Variants in CYP7B1 observed in about 807,000 individuals in gnomAD.
The protein encoded by CYP7B1 is cytochrome P450 7B1.
Under a neutral mutation model 42.7 loss-of-function variants are expected in CYP7B1, and 29 were observed. That is an observed-to-expected ratio of 0.68 (90% CI 0.51 to 0.93). CYP7B1 has a LOEUF of 0.93. Among genes scored for constraint, CYP7B1 ranks in the 40% least tolerant of loss-of-function variants. The pLI is 0.00. For missense variants in CYP7B1, 655 were observed against 600.5 expected (o/e 1.09, Z -0.95); for synonymous variants, 235 against 218.2 (o/e 1.08, Z -0.68).
chr8:64,714,391 T>C (rs1221302200), intron 1 of CYP7B1, among the ~76,000 whole-genome samples: 1 of 152,232 alleles, frequency 6.6e-6, no homozygotes, highest in Non-Finnish European at 1.5e-5. Flanking sequence ...TTCAAACCAT[T>C]GTGACCCGCC....
intron 1 of CYP7B1, among the ~76,000 whole-genome samples, chr8:64,758,283 A>G (rs921190511): frequency 6.6e-6 from 1 of 152,180 alleles, no homozygotes; most frequent in African/African-American, 2.4e-5. Flanking sequence ...GTTCTTTCCC[A>G]GAAAGCCCAG....
At chr8:64,615,309 A>G in intron 3 of CYP7B1, 77 bp from the exon 4 acceptor site, 1 of 1,422,724 alleles carries the variant, frequency 7.0e-7, no homozygotes, top group Admixed American at 2.0e-5. Context: ...TAATTAAAAG[A>G]TGTTAGGACA....
intron 1 of CYP7B1, among the ~76,000 whole-genome samples, chr8:64,737,995 T>C (rs762272052): frequency 1.3e-5 from 2 of 152,178 alleles, no homozygotes; most frequent in Non-Finnish European, 2.9e-5. Context: ...TGCTTTCCTG[T>C]CTGTCTGTGC....
At chr8:64,730,029 T>A (rs904713678) in intron 1 of CYP7B1, among the ~76,000 whole-genome samples, 5 of 152,114 alleles carry the variant, frequency 3.3e-5, no homozygotes, top group African/African-American at 1.2e-4. Context: ...TACAGTTTTA[T>A]CACTTTTTGT....
At chr8:64,689,995 C>T (rs1220489486) in intron 1 of CYP7B1, among the ~76,000 whole-genome samples, 1 of 152,160 alleles carries the variant, frequency 6.6e-6, no homozygotes, top group East Asian at 1.9e-4. Flanking sequence ...ATGTAATACT[C>T]TTTTCCTAAT....
intron 1 of CYP7B1, among the ~76,000 whole-genome samples, chr8:64,646,287 C>T (rs557787813): frequency 4.5e-4 from 69 of 152,032 alleles, no homozygotes; most frequent in African/African-American, 1.6e-3. Flanking sequence ...AGAAAATTTT[C>T]GCAACCTACT....
chr8:64,597,057 T>C (rs949133311), intron 5 of CYP7B1, 128 bp from the exon 6 acceptor site: 1 of 761,142 alleles, frequency 1.3e-6, no homozygotes, highest in Non-Finnish European at 2.0e-6. Context: ...CCAGAAAAAC[T>C]TGGCTGAGTG....
chr8:64,736,133 T>C (rs1425390593), intron 1 of CYP7B1, among the ~76,000 whole-genome samples: 1 of 152,164 alleles, frequency 6.6e-6, no homozygotes, highest in East Asian at 1.9e-4. Flanking sequence ...ACATCCCTAT[T>C]ATGGAAATAA....
At chr8:64,700,476 A>G (rs1806899114) in intron 1 of CYP7B1, among the ~76,000 whole-genome samples, 1 of 152,098 alleles carries the variant, frequency 6.6e-6, no homozygotes, top group South Asian at 2.1e-4. Context: ...ATTGTGTCAA[A>G]CTATGTATGG....
intron 1 of CYP7B1, among the ~76,000 whole-genome samples, chr8:64,670,319 A>G (rs1806346405): frequency 6.6e-6 from 1 of 152,210 alleles, no homozygotes; most frequent in Admixed American, 6.5e-5. Flanking sequence ...TCAATACTAT[A>G]TAAAGGTAAA....
At chr8:64,731,777 T>TGG (rs1807413519) in intron 1 of CYP7B1, among the ~76,000 whole-genome samples, 1 of 152,228 alleles carries the variant, frequency 6.6e-6, no homozygotes, top group Non-Finnish European at 1.5e-5. Flanking sequence ...CATGGTGTCC[T>TGG]TGTGACATGG....
chr8:64,629,685 GA>G (rs1301954763), intron 1 of CYP7B1, among the ~76,000 whole-genome samples: 4 of 152,140 alleles, frequency 2.6e-5, no homozygotes, highest in African/African-American at 9.7e-5. Context: ...AACCTCAATG[GA>G]AAATGTAATT....
Position 64,656,579 on chromosome 8 carries a change from G to A in CYP7B1, c.123-32040C>T, listed in dbSNP as rs1806124237. Among the ~76,000 whole-genome samples the A allele has an allele frequency of 9.8e-5, 15 of 152,344 alleles. No individual in the cohort carries two copies. In the South Asian group the frequency reaches 3.1e-3, roughly 32 times the overall value. On this transcript the variant is annotated intron_variant, in intron 1 of 5. Coordinates refer to ENST00000310193, the MANE Select transcript of CYP7B1 (RefSeq NM_004820.5). ...GCTGCAGGGAAGGCCTAGCTGCCAA[G>A]ACACCAGGGACATTTCTTATGCACC...
At chr8:64,616,777 G>C (rs1157214932) in intron 2 of CYP7B1, among the ~76,000 whole-genome samples, 2 of 152,270 alleles carry the variant, frequency 1.3e-5, no homozygotes, top group South Asian at 2.1e-4. Flanking sequence ...TATGGAGCAG[G>C]TACTCACAAA....
At chr8:64,741,291 A>G (rs566647904) in intron 1 of CYP7B1, among the ~76,000 whole-genome samples, 1 of 152,156 alleles carries the variant, frequency 6.6e-6, no homozygotes, top group Non-Finnish European at 1.5e-5. Flanking sequence ...TGCGCATAAC[A>G]TGATTCTTCT....
rs1213348472 is a variant in CYP7B1, at chr8:64,596,617, T to C, written c.*25A>G. 3 of 1,590,948 alleles carry C rather than the reference T, an allele frequency of 1.9e-6. No homozygotes were observed. Among genetic ancestry groups the C allele is most frequent in the East Asian group, 4.5e-5 (2 of 44,574 alleles). ...GGATGTTTAGGGTAATTTTGATAGA[T>C]TTATTTTCTTTCCTTTTAGCTTCTC... On this transcript the variant is annotated 3_prime_UTR_variant, in exon 6 of 6. Coordinates refer to ENST00000310193, the MANE Select transcript of CYP7B1 (RefSeq NM_004820.5).
chr8:64,625,075 G>A (rs1003623178), intron 1 of CYP7B1, among the ~76,000 whole-genome samples: 18 of 138,442 alleles, frequency 1.3e-4, no homozygotes, highest in African/African-American at 2.4e-4. Context: ...CCGGGTTCAC[G>A]CCATTCTCCC....
chr8:64,652,212 C>A (rs556372916), intron 1 of CYP7B1, among the ~76,000 whole-genome samples: 1 of 152,172 alleles, frequency 6.6e-6, no homozygotes, highest in Non-Finnish European at 1.5e-5. Flanking sequence ...AGACTACTAA[C>A]AATTTTTTTT....
At chr8:64,731,074 T>G (rs1306458295) in intron 1 of CYP7B1, among the ~76,000 whole-genome samples, 1 of 152,234 alleles carries the variant, frequency 6.6e-6, no homozygotes. Flanking sequence ...CCAGCCATTC[T>G]GAACTGTGAG....
Sources: gnomAD v4.1 joint callset for allele counts (sites outside exome capture counted in the v4.1 genomes callset) on GRCh38, gnomAD v4.1.1 for gene constraint, MANE v1.5 for transcripts, NCBI Gene and HGNC (gene_info 2026-07-23, HGNC 2026-07-21) for gene names.